Variants in PCBP4 observed in about 807,000 individuals in gnomAD.
PCBP4 encodes the protein poly(rC)-binding protein 4.
PCBP4 carries 24 observed loss-of-function variants against 46.2 expected under a neutral mutation model. The ratio of observed to expected loss-of-function variants is 0.52; its 90% CI spans 0.38 to 0.73. PCBP4 has a LOEUF of 0.73. PCBP4 is among the 30% of genes least tolerant of loss of function. PCBP4 has a pLI of 0.00. For missense variants in PCBP4, 407 were observed against 537.0 expected, an observed-to-expected ratio of 0.76 and a Z score of 2.39; for synonymous variants, 203 against 224.4, an observed-to-expected ratio of 0.90 and a Z score of 0.85.
Position 51,958,125 on chromosome 3 carries a change from G to C in PCBP4, c.1148C>G (p.Thr383Ser). The C allele has an allele frequency of 6.2e-7, 1 of 1,608,176 alleles. No homozygotes were observed. Among genetic ancestry groups the C allele is most frequent in the Non-Finnish European group, 8.5e-7 (1 of 1,177,270 alleles). The change falls in exon 14 of 14, where the codon ACT becomes AGT. Residue 383 changes from threonine (T) to serine (S), a missense_variant. Physicochemically the swap from Thr to Ser is moderately conservative, Grantham distance 58. Transcript: ENST00000461554. This position sits in a 1 kb window ranked among gnomAD's most constrained non-coding sequence, Gnocchi z 5.4. ...PGPPPGLAAY[T>S]AKMAAANGSK... ...CCCATTAGCTGCTGCCATCTTGGCAGTGTAGGCCGCCAAGCCCGGCGGCGG... is the reference window on the plus strand; with the variant it reads ...CCCATTAGCTGCTGCCATCTTGGCACTGTAGGCCGCCAAGCCCGGCGGCGG...
Position 51,960,638 on chromosome 3 carries a change from C to T in PCBP4, c.143G>A (p.Ser48Asn). ...ETVKRIREQS[S>N]ARITISEGSC... ...GCCCTCGGAGATGGTGATCCGGGCA[C>T]TGCTCTGCAGATATAGAATGAGCGC... The change falls in exon 6 of 14, where the codon AGT becomes AAT. Residue 48 changes from serine (S) to asparagine (N), a missense_variant. Transcript: ENST00000461554. This position sits in a 1 kb window ranked among gnomAD's most constrained non-coding sequence, Gnocchi z 5.0. 1 of 1,612,580 alleles carries T rather than the reference C, an allele frequency of 6.2e-7. No individual in the cohort carries two copies. The highest frequency in any genetic ancestry group is 8.5e-7 in the Non-Finnish European group (1 of 1,178,540).
chr3:51,964,246 C>T (rs1194480067), intron 1 of PCBP4, among the ~76,000 whole-genome samples: 1 of 152,156 alleles, frequency 6.6e-6, no homozygotes, highest in Non-Finnish European at 1.5e-5. Flanking sequence ...CCCTTCCTGC[C>T]CCTCCCCCCC....
chr3:51,963,734 G>A (rs1379390159), intron 1 of PCBP4, among the ~76,000 whole-genome samples: 1 of 152,232 alleles, frequency 6.6e-6, no homozygotes, highest in Non-Finnish European at 1.5e-5. Flanking sequence ...CACCTGTATT[G>A]TGTTTAGGGG....
At chr3:51,961,618 C>T (rs1028316825) in intron 2 of PCBP4, 6 of 367,756 alleles carry the variant, frequency 1.6e-5, no homozygotes, top group Middle Eastern at 1.1e-3. Flanking sequence ...TTCCCTTACC[C>T]TGAGACACTA....
Position 51,960,831 on chromosome 3 carries a change from G to A in PCBP4, c.138+35C>T, listed in dbSNP as rs752420431. 1.6e-5 allele frequency: 25 copies of A among 1,609,458 alleles called. No individual in the cohort carries two copies. The Admixed American group carries it at 1.7e-4, about 11-fold the overall frequency. On this transcript the variant is annotated intron_variant, in intron 5 of 13. Transcript: ENST00000461554. The surrounding 1 kb of genome is among the most constrained non-coding windows in gnomAD (Gnocchi z 5.0). ...GGCAGGGATCTCCCCTCCACATCAG[G>A]TGCCCTGGGCTCCTCCCCCAAACTC...
chr3:51,965,831 C>G (rs323878), intron 1 of PCBP4, among the ~76,000 whole-genome samples: 5,106 of 151,994 alleles, frequency 0.034, 298 homozygotes, highest in African/African-American at 0.12. Flanking sequence ...AGGTATGCTG[C>G]TGGGGTGGGG....
At chr3:51,966,395 G>A (rs896290833) in intron 1 of PCBP4, among the ~76,000 whole-genome samples, 1 of 152,166 alleles carries the variant, frequency 6.6e-6, no homozygotes, top group Admixed American at 6.5e-5. Context: ...TCCAGGACCT[G>A]GGAAGACCAG....
At chr3:51,965,833 G>A (rs1409717649) in intron 1 of PCBP4, among the ~76,000 whole-genome samples, 1 of 152,136 alleles carries the variant, frequency 6.6e-6, no homozygotes, top group African/African-American at 2.4e-5. Flanking sequence ...GTATGCTGCT[G>A]GGGTGGGGGA....
At position 51,957,959 on chromosome 3, in the gene PCBP4, C is replaced by T. The variant is rs542017304; in HGVS notation, c.*102G>A. On this transcript the variant is annotated 3_prime_UTR_variant, in exon 14 of 14. Transcript: ENST00000461554. The stretch of plus-strand genomic sequence containing the variant: ...GTGCATCCATGCGTCTGGGCGTTAG[C>T]GGCGTTTGGGACCCCAGGGTGGAGT... 3.4e-3 allele frequency: 3,769 copies of T among 1,099,578 alleles called. 15 individuals carry two copies. Among genetic ancestry groups the T allele is most frequent in the Non-Finnish European group, 4.3e-3 (3,302 of 770,536 alleles). The allele number at this position is 1,099,578 out of a possible 1,614,324, so 68.1% of individuals were successfully genotyped here.
rs1700025777 is a variant in PCBP4, at chr3:51,959,389, T to C, written c.614A>G (p.Tyr205Cys). 5 of 1,611,738 alleles carry C rather than the reference T, an allele frequency of 3.1e-6. No individual in the cohort carries two copies. The East Asian group carries it at 8.9e-5, about 29-fold the overall frequency. The change falls in exon 10 of 14, where the codon TAT becomes TGT. Residue 205 changes from tyrosine to cysteine, a missense_variant. Transcript: ENST00000461554. The surrounding 1 kb of genome is among the most constrained non-coding windows in gnomAD (Gnocchi z 5.6). ...ANQGFSVQGQ[Y>C]GAVTPAEVTK... ...CACCTCAGCTGGGGTCACAGCCCCATACTGACCCTGGACAGAGAAGCCCTG... is the reference window on the plus strand; with the variant it reads ...CACCTCAGCTGGGGTCACAGCCCCACACTGACCCTGGACAGAGAAGCCCTG...
Position 51,958,871 on chromosome 3 carries a change from G to C in PCBP4, c.842C>G (p.Ala281Gly). Reference protein sequence around the residue: ...SGAHIKIGNQAEGAGERHVTI... With the variant: ...SGAHIKIGNQGEGAGERHVTI... ...GACATGCCGCTCCCCAGCGCCCTCT[G>C]CTTGGTTCCCGATCTTGATATGTGC... The change falls in exon 13 of 14, where the codon GCA becomes GGA. Residue 281 changes from alanine (A) to glycine (G), a missense_variant. By Grantham distance (60) the Ala-to-Gly change is moderately conservative. Transcript: ENST00000461554. This position sits in a 1 kb window ranked among gnomAD's most constrained non-coding sequence, Gnocchi z 5.4. The C allele has an allele frequency of 6.2e-7, 1 of 1,613,974 alleles. No individual in the cohort carries two copies. The highest frequency in any genetic ancestry group is 2.2e-5 in the East Asian group (1 of 44,856).
Position 51,957,821 on chromosome 3 carries a change from G to A in PCBP4, c.*240C>T. ...TGGCTGCTCCCTGTATCCAAGCACA[G>A]AGCTGAGGAGGTAGGGCCCCCTGCC... On this transcript the variant is annotated 3_prime_UTR_variant, in exon 14 of 14. Coordinates refer to ENST00000461554, the MANE Select transcript of PCBP4 (RefSeq NM_001174100.2). 1 of 387,678 alleles carries A rather than the reference G, an allele frequency of 2.6e-6. No individual in the cohort carries two copies. Among genetic ancestry groups the A allele is most frequent in the Non-Finnish European group, 4.6e-6 (1 of 215,490 alleles). 24.0% of individuals were successfully genotyped at this position (387,678 alleles called of 1,614,324 possible). A position where few individuals can be genotyped will look rare whatever the true frequency, so the allele number is the denominator to read the frequency against.
intron 1 of PCBP4, among the ~76,000 whole-genome samples, chr3:51,964,051 T>G (rs1051424497): frequency 6.6e-6 from 1 of 152,082 alleles, no homozygotes; most frequent in Non-Finnish European, 1.5e-5. Flanking sequence ...CCCAGCCCCC[T>G]CTGGTCAGCA....
intron 1 of PCBP4, among the ~76,000 whole-genome samples, chr3:51,966,922 AG>A (rs1158271376): frequency 6.6e-6 from 1 of 151,906 alleles, no homozygotes; most frequent in Non-Finnish European, 1.5e-5. Flanking sequence ...CCTGGCCTGG[AG>A]GTCTGTATCT....
chr3:51,959,019 C>A lies in PCBP4; in HGVS notation c.753+28G>T. On this transcript the variant is annotated intron_variant, in intron 12 of 13. Transcript: ENST00000461554. This position sits in a 1 kb window ranked among gnomAD's most constrained non-coding sequence, Gnocchi z 5.6. Reference sequence around the variant, plus strand: ...TCCAGACCCCCAGACCCCCTACCCACCCTCCAGCCATCCCATCCCCTGCTC... The same window carrying A: ...TCCAGACCCCCAGACCCCCTACCCAACCTCCAGCCATCCCATCCCCTGCTC... 1 of 1,613,242 alleles carries A rather than the reference C, an allele frequency of 6.2e-7. No individual in the cohort carries two copies. Among genetic ancestry groups the A allele is most frequent in the Non-Finnish European group, 8.5e-7 (1 of 1,179,444 alleles).
chr3:51,958,105 T>G lies in PCBP4; in HGVS notation c.1168A>C (p.Asn390His). ...AAYTAKMAAA[N>H]GSKKAERQKF... is the part of the protein sequence containing the mutation. ...TGCCGCTCAGCCTTCTTGCTCCCAT[T>G]AGCTGCTGCCATCTTGGCAGTGTAG... The change falls in exon 14 of 14, where the codon AAT becomes CAT. Residue 390 changes from asparagine to histidine, a missense_variant. By Grantham distance (68) the Asn-to-His change is moderately conservative. Coordinates refer to ENST00000461554, the MANE Select transcript of PCBP4 (RefSeq NM_001174100.2). The surrounding 1 kb of genome is among the most constrained non-coding windows in gnomAD (Gnocchi z 5.4). 3 of 1,592,490 alleles carry G rather than the reference T, an allele frequency of 1.9e-6. No individual in the cohort carries two copies. The highest frequency in any genetic ancestry group is 2.6e-6 in the Non-Finnish European group (3 of 1,170,534).
At chr3:51,967,054 G>C (rs1700468238) in intron 1 of PCBP4, among the ~76,000 whole-genome samples, 1 of 152,192 alleles carries the variant, frequency 6.6e-6, no homozygotes, top group Non-Finnish European at 1.5e-5. Context: ...GTCAGAGAGA[G>C]GAGCAGGCGC....
chr3:51,964,545 C>T (rs887243021), intron 1 of PCBP4, among the ~76,000 whole-genome samples: 3 of 152,216 alleles, frequency 2.0e-5, no homozygotes, highest in African/African-American at 7.2e-5. Context: ...CCCAGCTCCC[C>T]ACCTAGCAGC....
Position 51,965,886 on chromosome 3 carries a change from G to A in PCBP4, c.-213+1440C>T, listed in dbSNP as rs539421421. On this transcript the variant is annotated intron_variant, in intron 1 of 13. Transcript: ENST00000461554. The stretch of plus-strand genomic sequence containing the variant: ...GTTTTCAGAGGGTGGGAGCAGAGTG[G>A]GTCTCCTCATGGAAGAGGGGGACTG... 7.9e-5 allele frequency among the ~76,000 whole-genome samples: 12 copies of A among 152,188 alleles called. No individual in the cohort carries two copies. The South Asian group carries it at 2.3e-3, about 29-fold the overall frequency.
Sources: gnomAD v4.1 joint callset for allele counts (sites outside exome capture counted in the v4.1 genomes callset) on GRCh38, gnomAD v4.1.1 for gene constraint, Gnocchi (gnomAD v3.1) non-coding constraint, MANE v1.5 for transcripts, NCBI Gene and HGNC (gene_info 2026-07-23, HGNC 2026-07-21) for gene names.